Variants in SH3RF3 observed in about 807,000 individuals in gnomAD.
SH3RF3 encodes the protein SH3 domain containing ring finger 3.
Under a neutral mutation model 66.3 loss-of-function variants are expected in SH3RF3, and 29 were observed. The ratio of observed to expected loss-of-function variants is 0.44; its 90% confidence interval spans 0.33 to 0.60. The LOEUF (loss-of-function observed/expected upper bound fraction) is 0.60. SH3RF3 is among the 20% of genes least tolerant of loss of function. The pLI is 0.04. For missense variants in SH3RF3, 1,194 were observed against 1,190.9 expected, an observed-to-expected ratio of 1.00 and a Z score of -0.04; for synonymous variants, 583 against 532.0, an observed-to-expected ratio of 1.10 and a Z score of -1.32.
intron 8 of SH3RF3, among the ~76,000 whole-genome samples, chr2:109,466,119 G>A (rs1352755033): frequency 8.4e-6 from 1 of 118,622 alleles, no homozygotes; most frequent in African/African-American, 3.2e-5. Flanking sequence ...TCGCTCCGTC[G>A]CCCAGGCTGG....
chr2:109,256,995 C>T (rs1370627283), intron 1 of SH3RF3, among the ~76,000 whole-genome samples: 1 of 152,238 alleles, frequency 6.6e-6, no homozygotes, highest in Non-Finnish European at 1.5e-5. Flanking sequence ...TGCTCTCAGA[C>T]AGCCTGTGAC....
At chr2:109,474,363 G>GT (rs1221062434) in intron 8 of SH3RF3, among the ~76,000 whole-genome samples, 1 of 152,202 alleles carries the variant, frequency 6.6e-6, no homozygotes, top group Non-Finnish European at 1.5e-5. Flanking sequence ...CATTTGGGCT[G>GT]TAAGTGTGAG....
chr2:109,406,002 G>A (rs1257034548), intron 4 of SH3RF3, among the ~76,000 whole-genome samples: 2 of 152,208 alleles, frequency 1.3e-5, no homozygotes, highest in African/African-American at 2.4e-5. Context: ...CCGCAGGCCC[G>A]GCTGCACATC....
intron 8 of SH3RF3, among the ~76,000 whole-genome samples, chr2:109,477,931 T>C (rs999249703): frequency 1.3e-5 from 2 of 152,194 alleles, no homozygotes; most frequent in Non-Finnish European, 2.9e-5. Context: ...GGCATGGACC[T>C]GCAGGAAAGA....
chr2:109,370,227 GTC>G (rs144011127), intron 2 of SH3RF3, among the ~76,000 whole-genome samples: 7 of 96,642 alleles, frequency 7.2e-5, no homozygotes, highest in African/African-American at 2.9e-4. Flanking sequence ...CTCTGTCTCT[GTC>G]TCTCTCTCTC....
chr2:109,143,036 T>TG (rs1676994005), intron 1 of SH3RF3, among the ~76,000 whole-genome samples: 1 of 152,114 alleles, frequency 6.6e-6, no homozygotes. Flanking sequence ...AAAGTGCCAC[T>TG]GGGATGCTGG....
At chr2:109,420,283 A>C (rs1208248323) in intron 5 of SH3RF3, among the ~76,000 whole-genome samples, 1 of 152,206 alleles carries the variant, frequency 6.6e-6, no homozygotes, top group Non-Finnish European at 1.5e-5. Context: ...GGCAGAGCTC[A>C]GTCACTTGAA....
At chr2:109,472,290 G>A (rs1257154109) in intron 8 of SH3RF3, among the ~76,000 whole-genome samples, 1 of 151,984 alleles carries the variant, frequency 6.6e-6, no homozygotes, top group Non-Finnish European at 1.5e-5. Context: ...GACGGTGGCA[G>A]GAGAGGACCC....
intron 1 of SH3RF3, among the ~76,000 whole-genome samples, chr2:109,156,536 C>G (rs1212472431): frequency 6.6e-6 from 1 of 151,938 alleles, no homozygotes; most frequent in East Asian, 1.9e-4. Flanking sequence ...GCCTTTACCT[C>G]CTGAGTTCAA....
chr2:109,368,824 TG>T (rs1041376259), intron 2 of SH3RF3, among the ~76,000 whole-genome samples: 39 of 152,220 alleles, frequency 2.6e-4, no homozygotes, highest in African/African-American at 8.9e-4. Context: ...TGTGATATTT[TG>T]CTGTTGTGAC....
At chr2:109,463,292 G>T (rs947317180) in intron 8 of SH3RF3, among the ~76,000 whole-genome samples, 1 of 152,226 alleles carries the variant, frequency 6.6e-6, no homozygotes, top group Non-Finnish European at 1.5e-5. Flanking sequence ...TGACTGTGCT[G>T]TCTGTTTTGG....
chr2:109,456,776 C>T (rs775389949), intron 8 of SH3RF3, among the ~76,000 whole-genome samples: 1 of 152,196 alleles, frequency 6.6e-6, no homozygotes, highest in African/African-American at 2.4e-5. Flanking sequence ...GGCCACACAA[C>T]GAGTAGGGCA....
At chr2:109,324,863 C>T (rs529687345) in intron 1 of SH3RF3, among the ~76,000 whole-genome samples, 6 of 152,318 alleles carry the variant, frequency 3.9e-5, no homozygotes, top group South Asian at 4.1e-4. Flanking sequence ...CAAGCACGCA[C>T]GCTGGCACAC....
intron 4 of SH3RF3, among the ~76,000 whole-genome samples, chr2:109,402,191 G>T (rs143570471): frequency 0.015 from 2,305 of 152,356 alleles, 33 homozygotes; most frequent in South Asian, 0.036. Flanking sequence ...GCTCTGCACT[G>T]CCTTCCTGGT....
intron 1 of SH3RF3, among the ~76,000 whole-genome samples, chr2:109,226,134 G>A (rs901230545): frequency 2.0e-5 from 3 of 152,190 alleles, no homozygotes; most frequent in Non-Finnish European, 4.4e-5. Flanking sequence ...AATGTCAGAG[G>A]AGGTTGTCCC....
intron 1 of SH3RF3, among the ~76,000 whole-genome samples, chr2:109,135,435 A>G (rs1016172013): frequency 6.6e-6 from 1 of 152,228 alleles, no homozygotes; most frequent in Non-Finnish European, 1.5e-5. Context: ...ACTTGTTATC[A>G]GTGAATTAGG....
At chr2:109,269,811 G>T (rs559738075) in intron 1 of SH3RF3, among the ~76,000 whole-genome samples, 2 of 152,150 alleles carry the variant, frequency 1.3e-5, no homozygotes, top group Non-Finnish European at 2.9e-5. Flanking sequence ...CAAGATACTT[G>T]TGCATTTTAG....
chr2:109,454,693 G>C (rs1009727636), intron 8 of SH3RF3, among the ~76,000 whole-genome samples: 3 of 152,158 alleles, frequency 2.0e-5, no homozygotes, highest in Non-Finnish European at 4.4e-5. Flanking sequence ...AACAGGGTAG[G>C]ATAGATCTTC....
intron 1 of SH3RF3, among the ~76,000 whole-genome samples, chr2:109,264,861 A>T (rs1210711922): frequency 6.6e-6 from 1 of 152,210 alleles, no homozygotes; most frequent in Non-Finnish European, 1.5e-5. Context: ...TTCCTGTTGG[A>T]CAGACATCTT....
Sources: allele counts gnomAD v4.1 joint callset (sites outside exome capture counted in the v4.1 genomes callset), GRCh38; gene constraint gnomAD v4.1.1; transcripts MANE v1.5; gene names NCBI Gene and HGNC (gene_info 2026-07-23, HGNC 2026-07-21).